The following EPB41L4A variants were observed in gnomAD, a reference collection of about 807,000 sequenced individuals.
EPB41L4A encodes the protein band 4.1-like protein 4A.
In EPB41L4A, 100 loss-of-function variants were observed where a neutral mutation model predicts 108.6. The ratio of observed to expected loss-of-function variants is 0.92; its 90% CI spans 0.78 to 1.09. The LOEUF (loss-of-function observed/expected upper bound fraction) is 1.09, where lower values mean the gene tolerates loss of function less well. Ranked by LOEUF, EPB41L4A falls within the 50% of genes least tolerant of loss-of-function variation. The pLI, the probability that EPB41L4A is intolerant of heterozygous loss-of-function variation, is 0.00. For synonymous variants in EPB41L4A, 319 were observed against 289.0 expected, an observed-to-expected ratio of 1.10 and a Z score of -1.05; for missense variants, 1,030 against 842.7, an observed-to-expected ratio of 1.22 and a Z score of -2.75.
At chr5:112,143,035 T>A (rs776121269) in exon 14 of EPB41L4A, 6 of 152,138 alleles carry the variant, frequency 3.9e-5, no homozygotes, top group African/African-American at 9.7e-5. Flanking sequence ...AGAGGCAATA[T>A]CCACTCTTGT....
At chr5:112,308,034 T>C (rs17134339) in intron 1 of EPB41L4A, among the ~76,000 whole-genome samples, 4,089 of 152,298 alleles carry the variant, frequency 0.027, 181 homozygotes, top group African/African-American at 0.093. Flanking sequence ...TTTCACTTTA[T>C]CTCTTTCACA....
intron 1 of EPB41L4A, among the ~76,000 whole-genome samples, chr5:112,358,639 T>C (rs192868455): frequency 2.2e-4 from 34 of 152,332 alleles, no homozygotes; most frequent in African/African-American, 7.2e-4. Flanking sequence ...CTTTAAAAAA[T>C]AGCTGTCAGT....
At position 112,346,216 on chromosome 5, in the gene EPB41L4A, A is replaced by ATTTTTTTTTTTTT. The variant is rs561328868; in HGVS notation, c.100-38739_100-38727dup. Reference sequence around the variant, plus strand: ...AATTCTTTAAAGTTAGGTACATTGCATTTTTTTTTTTTTTTTTTTTTTTTT... The same window carrying ATTTTTTTTTTTTT: ...AATTCTTTAAAGTTAGGTACATTGCATTTTTTTTTTTTTTTTTTTTTTTTTTTTTTTTTTTTTT... On this transcript the variant is annotated intron_variant, in intron 1 of 22. Coordinates refer to ENST00000261486, the MANE Select transcript of EPB41L4A (RefSeq NM_022140.5). Among the ~76,000 whole-genome samples, 563 of 67,334 alleles carry ATTTTTTTTTTTTT rather than the reference A, an allele frequency of 8.4e-3. 138 individuals carry two copies. The highest frequency in any genetic ancestry group is 0.04 in the Middle Eastern group (2 of 50). 44.2% of individuals were successfully genotyped at this position (67,334 alleles called of 152,430 possible).
At chr5:112,369,735 C>A (rs1759364413) in intron 1 of EPB41L4A, among the ~76,000 whole-genome samples, 1 of 152,170 alleles carries the variant, frequency 6.6e-6, no homozygotes, top group Non-Finnish European at 1.5e-5. Context: ...AGCTTACCAC[C>A]TGGGAGCCCC....
At chr5:112,212,188 C>G (rs1477780331) in intron 12 of EPB41L4A, among the ~76,000 whole-genome samples, 1 of 152,140 alleles carries the variant, frequency 6.6e-6, no homozygotes, top group Non-Finnish European at 1.5e-5. Flanking sequence ...GATGAAGCTG[C>G]TTCTCACAGG....
chr5:112,351,743 G>A (rs943580574), intron 1 of EPB41L4A, among the ~76,000 whole-genome samples: 17 of 152,120 alleles, frequency 1.1e-4, no homozygotes, highest in East Asian at 3.9e-4. Context: ...TGAAAATCCC[G>A]AACAAAAGAC....
chr5:112,280,398 A>T lies in EPB41L4A; in HGVS notation c.205-75T>A, dbSNP rs533564522. On this transcript the variant is annotated intron_variant, in intron 2 of 22. Transcript: ENST00000261486. ...GCTTTTACTTCAAGAATATTTGCAA[A>T]ATGTTATTTAAACAACATTTTAAAA... 4.5e-6 allele frequency: 6 copies of T among 1,336,372 alleles called. No homozygotes were observed. The South Asian group carries it at 5.9e-5, about 13-fold the overall frequency. 82.8% of individuals were successfully genotyped at this position (1,336,372 alleles called of 1,614,324 possible).
intron 1 of EPB41L4A, among the ~76,000 whole-genome samples, chr5:112,360,619 G>A (rs1268430852): frequency 3.3e-5 from 5 of 151,878 alleles, no homozygotes; most frequent in East Asian, 3.9e-4. Context: ...ATCTCGGCTC[G>A]CTACAACCTC....
chr5:112,298,796 ATTTT>A (rs572688695), intron 2 of EPB41L4A, among the ~76,000 whole-genome samples: 2 of 151,886 alleles, frequency 1.3e-5, no homozygotes, highest in Non-Finnish European at 2.9e-5. Context: ...CTTGTTGGTA[ATTTT>A]TTTATTACCA....
chr5:112,239,585 C>A, intron 11 of EPB41L4A, 75 bp downstream of exon 11: 1 of 850,260 alleles, frequency 1.2e-6, no homozygotes, highest in Non-Finnish European at 1.7e-6. Context: ...TAAATAACTT[C>A]ACTGAGCATG....
At chr5:112,355,170 C>T (rs1011035539) in intron 1 of EPB41L4A, among the ~76,000 whole-genome samples, 1 of 152,170 alleles carries the variant, frequency 6.6e-6, no homozygotes, top group Non-Finnish European at 1.5e-5. Flanking sequence ...ATTTCATTAA[C>T]TTGCAAAATA....
chr5:112,266,188 T>G, intron 5 of EPB41L4A, 45 bp downstream of exon 5: 1 of 1,380,026 alleles, frequency 7.2e-7, no homozygotes, highest in Non-Finnish European at 9.9e-7. Flanking sequence ...ATGCAAATAC[T>G]TTCTCCAGAC....
intron 2 of EPB41L4A, among the ~76,000 whole-genome samples, chr5:112,297,782 A>C (rs1463480374): frequency 6.6e-6 from 1 of 152,068 alleles, no homozygotes; most frequent in East Asian, 1.9e-4. Flanking sequence ...ATGATTTAGG[A>C]CTTAAATCTA....
chr5:112,230,448 T>C (rs1397468819), intron 12 of EPB41L4A, among the ~76,000 whole-genome samples: 1 of 152,212 alleles, frequency 6.6e-6, no homozygotes, highest in Non-Finnish European at 1.5e-5. Flanking sequence ...CGGTATCTCA[T>C]TGTGGTTTTG....
chr5:112,203,170 A>T (rs35465360), intron 15 of EPB41L4A, among the ~76,000 whole-genome samples: 6,858 of 152,134 alleles, frequency 0.045, 224 homozygotes, highest in Non-Finnish European at 0.067. Flanking sequence ...TTCGAGACCA[A>T]CGTGGAGAAA....
intron 18 of EPB41L4A, among the ~76,000 whole-genome samples, chr5:112,176,159 C>T (rs963965719): frequency 2.0e-5 from 3 of 152,148 alleles, no homozygotes; most frequent in East Asian, 3.8e-4. Flanking sequence ...ACTTAATGCT[C>T]AGCAAAATCC....
At chr5:112,168,083 G>C (rs1384966243) in intron 22 of EPB41L4A, among the ~76,000 whole-genome samples, 2 of 152,172 alleles carry the variant, frequency 1.3e-5, no homozygotes, top group East Asian at 3.8e-4. Flanking sequence ...TGTTTAACCA[G>C]ATATAAATCC....
intron 2 of EPB41L4A, among the ~76,000 whole-genome samples, chr5:112,299,086 T>C (rs1482242924): frequency 6.6e-6 from 1 of 152,224 alleles, no homozygotes; most frequent in African/African-American, 2.4e-5. Flanking sequence ...ATTTATCTTT[T>C]CAAAGAACCA....
intron 1 of EPB41L4A, among the ~76,000 whole-genome samples, chr5:112,414,233 C>G (rs531678740): frequency 6.6e-6 from 1 of 152,126 alleles, no homozygotes; most frequent in Non-Finnish European, 1.5e-5. Context: ...ATTGTTTTCA[C>G]TGAATATGAG....
Sources: gnomAD v4.1 joint callset for allele counts (sites outside exome capture counted in the v4.1 genomes callset) on GRCh38, gnomAD v4.1.1 for gene constraint, MANE v1.5 for transcripts, NCBI Gene and HGNC (gene_info 2026-07-23, HGNC 2026-07-21) for gene names.